FAM184A: variants seen among roughly 807,000 people sequenced by gnomAD.
FAM184A encodes the protein protein FAM184A.
In FAM184A, 99 loss-of-function variants were observed where a neutral mutation model predicts 143.8. The observed-to-expected ratio is 0.69, with a 90% confidence interval of 0.58 to 0.81. The LOEUF is 0.81. Among genes scored for constraint, FAM184A ranks in the 40% least tolerant of loss-of-function variants. The pLI is 0.00. For synonymous variants in FAM184A, 427 were observed against 446.4 expected (o/e 0.96, Z 0.55); for missense variants, 1,217 against 1,310.5 (o/e 0.93, Z 1.10).
intron 1 of FAM184A, among the ~76,000 whole-genome samples, chr6:119,030,208 A>G (rs1206877555): frequency 6.6e-6 from 1 of 152,188 alleles, no homozygotes; most frequent in Non-Finnish European, 1.5e-5. Flanking sequence ...AAAAGAAATA[A>G]CAAAATGAAG....
chr6:119,111,898 G>A (rs1049580518), intron 1 of FAM184A, among the ~76,000 whole-genome samples: 1 of 152,154 alleles, frequency 6.6e-6, no homozygotes, highest in South Asian at 2.1e-4. Flanking sequence ...AAACAGAAAA[G>A]AGACTGTTTA....
At chr6:119,057,540 A>G (rs1411952431) in intron 1 of FAM184A, among the ~76,000 whole-genome samples, 1 of 152,132 alleles carries the variant, frequency 6.6e-6, no homozygotes, top group Non-Finnish European at 1.5e-5. Context: ...GGAGTTCAAG[A>G]CCAGAATGCT....
chr6:119,080,766 A>G (rs1030370410), upstream of FAM184A, among the ~76,000 whole-genome samples: 1 of 152,134 alleles, frequency 6.6e-6, no homozygotes, highest in Non-Finnish European at 1.5e-5. Flanking sequence ...AGCATTTTAG[A>G]TTTTGAGTTT....
At chr6:119,140,526 C>T (rs578226439) in intron 1 of FAM184A, among the ~76,000 whole-genome samples, 2 of 152,062 alleles carry the variant, frequency 1.3e-5, no homozygotes, top group East Asian at 1.9e-4. Context: ...CTTCCTTTCT[C>T]AGCCATTTTC....
chr6:119,090,627 A>G (rs1251458264), intron 1 of FAM184A, among the ~76,000 whole-genome samples: 1 of 152,154 alleles, frequency 6.6e-6, no homozygotes, highest in Non-Finnish European at 1.5e-5. Context: ...CTAGCTTCTG[A>G]TTGTTAAAAG....
chr6:119,142,856 A>G (rs1193935057), intron 1 of FAM184A, among the ~76,000 whole-genome samples: 2 of 152,230 alleles, frequency 1.3e-5, no homozygotes, highest in African/African-American at 4.8e-5. Context: ...GATAGCCCCA[A>G]TCCAATTATT....
At chr6:119,005,953 A>C (rs1784904132) in intron 7 of FAM184A, 1 of 589,310 alleles carries the variant, frequency 1.7e-6, no homozygotes, top group African/African-American at 1.8e-5. Flanking sequence ...TATCGGTTGA[A>C]CTGGGTCCCC....
chr6:118,977,089 G>A (rs144073637), intron 11 of FAM184A, among the ~76,000 whole-genome samples: 51 of 152,258 alleles, frequency 3.3e-4, no homozygotes, highest in African/African-American at 1.1e-3. Context: ...AAATTTGTAC[G>A]TGAATGTTTA....
chr6:119,146,396 A>ATGTGTG (rs1562168812), intron 1 of FAM184A, among the ~76,000 whole-genome samples: 13 of 95,426 alleles, frequency 1.4e-4, no homozygotes, highest in African/African-American at 4.5e-4. Context: ...CGATTAACTT[A>ATGTGTG]CGTGTGTGTG....
intron 6 of FAM184A, among the ~76,000 whole-genome samples, chr6:119,009,240 T>C (rs1785019444): frequency 6.6e-6 from 1 of 152,180 alleles, no homozygotes; most frequent in Non-Finnish European, 1.5e-5. Flanking sequence ...ACTCCGTTTT[T>C]TCTGGTGATA....
At chr6:119,129,617 T>C (rs1246303500) in intron 1 of FAM184A, among the ~76,000 whole-genome samples, 1 of 151,822 alleles carries the variant, frequency 6.6e-6, no homozygotes, top group Non-Finnish European at 1.5e-5. Flanking sequence ...ACATTCTTAA[T>C]ACTGTAATTA....
At chr6:119,016,972 G>A (rs532641703) in intron 4 of FAM184A, 28 bp from the exon 5 acceptor site, 47 of 1,504,326 alleles carry the variant, frequency 3.1e-5, no homozygotes, top group South Asian at 2.5e-4. Flanking sequence ...ATCAATAATC[G>A]GCACCTGCTT....
intron 1 of FAM184A, among the ~76,000 whole-genome samples, chr6:119,118,126 C>A (rs1789110128): frequency 6.6e-6 from 1 of 152,192 alleles, no homozygotes; most frequent in Admixed American, 6.5e-5. Context: ...CAGGACCTTT[C>A]CATAGATGCA....
intron 14 of FAM184A, among the ~76,000 whole-genome samples, chr6:118,972,617 A>G (rs1234297033): frequency 6.6e-6 from 1 of 152,220 alleles, no homozygotes; most frequent in African/African-American, 2.4e-5. Context: ...ATGATCATAA[A>G]ATCAAAAACT....
intron 7 of FAM184A, among the ~76,000 whole-genome samples, chr6:119,004,822 A>G (rs538329210): frequency 2.0e-5 from 3 of 152,306 alleles, no homozygotes; most frequent in Non-Finnish European, 4.4e-5. Flanking sequence ...TGTAAATATG[A>G]AAAAAGACCT....
chr6:119,014,945 G>A lies in FAM184A; in HGVS notation c.1530+1802C>T, dbSNP rs573935562. Among the ~76,000 whole-genome samples, 11 of 152,124 alleles carry A rather than the reference G, an allele frequency of 7.2e-5. No individual in the cohort carries two copies. The South Asian group carries it at 2.3e-3, about 32-fold the overall frequency. ...GTGGTGGCATGCGCCTGTAGTCCCA[G>A]CTACTCAGGAGGCTGAGGCAGGAGA... is the stretch of plus-strand genomic sequence containing the variant. On this transcript the variant is annotated intron_variant, in intron 5 of 17. Transcript: ENST00000338891.
At chr6:118,962,003 G>A in intron 16 of FAM184A, 40 bp from the exon 17 acceptor site, 1 of 1,573,728 alleles carries the variant, frequency 6.4e-7, no homozygotes, top group Non-Finnish European at 8.7e-7. Flanking sequence ...GTCCCTGCAT[G>A]AGGACAAATG....
chr6:118,961,752 G>A lies in FAM184A; in HGVS notation c.3341+9C>T, dbSNP rs758295015. 3.7e-6 allele frequency: 6 copies of A among 1,603,974 alleles called. No individual in the cohort carries two copies. Among genetic ancestry groups the A allele is most frequent in the East Asian group, 2.2e-5 (1 of 44,824 alleles). On this transcript the variant is annotated intron_variant, in intron 17 of 17. Coordinates refer to ENST00000338891, the MANE Select transcript of FAM184A (RefSeq NM_024581.6). ...GAAAAGAAAAAAACATTGGTGAGAC[G>A]GGTCTCACCTCAAAAATGTCTTGGG... is the stretch of plus-strand genomic sequence containing the variant.
intron 1 of FAM184A, among the ~76,000 whole-genome samples, chr6:119,125,235 T>G (rs1458958703): frequency 1.3e-5 from 2 of 152,332 alleles, no homozygotes; most frequent in African/African-American, 4.8e-5. Flanking sequence ...TAATAATTAC[T>G]GTCTGGATCT....
Sources: allele counts gnomAD v4.1 joint callset (sites outside exome capture counted in the v4.1 genomes callset), GRCh38; gene constraint gnomAD v4.1.1; transcripts MANE v1.5; gene names NCBI Gene and HGNC (gene_info 2026-07-23, HGNC 2026-07-21).